PIEZO2: variants seen among roughly 807,000 people sequenced by gnomAD.
PIEZO2 encodes the protein piezo type mechanosensitive ion channel component 2.
Under a neutral mutation model 337.3 loss-of-function variants are expected in PIEZO2, and 172 were observed. That is an observed-to-expected ratio of 0.51 (90% CI 0.45 to 0.58). The LOEUF (loss-of-function observed/expected upper bound fraction) is 0.58, where lower values mean the gene tolerates loss of function less well. Among genes scored for constraint, PIEZO2 ranks in the 20% least tolerant of loss-of-function variants. The pLI, the probability that PIEZO2 is intolerant of heterozygous loss-of-function variation, is 0.00. For synonymous variants in PIEZO2, 1,251 were observed against 1,228.5 expected, an observed-to-expected ratio of 1.02 and a Z score of -0.38; for missense variants, 3,028 against 3,391.3, an observed-to-expected ratio of 0.89 and a Z score of 2.66.
intron 50 of PIEZO2, 107 bp from the exon 51 acceptor site, chr18:10,681,860 T>C (rs1278048553): frequency 7.8e-6 from 8 of 1,023,660 alleles, no homozygotes; most frequent in East Asian, 2.4e-5. Context: ...ATGTAGGCTA[T>C]GTTTATCCCA....
chr18:10,685,826 C>G (rs553043470), intron 49 of PIEZO2, among the ~76,000 whole-genome samples: 1 of 152,310 alleles, frequency 6.6e-6, no homozygotes, highest in South Asian at 2.1e-4. Context: ...TTCCCATGCT[C>G]TCAGCAGAGG....
chr18:10,782,384 T>C (rs1354988015), intron 17 of PIEZO2, among the ~76,000 whole-genome samples: 1 of 94,852 alleles, frequency 1.1e-5, no homozygotes, highest in Non-Finnish European at 1.9e-5. Flanking sequence ...TAATATATTA[T>C]AATTATATAT....
rs2038818707 is a variant in PIEZO2, at chr18:11,083,464, G to C, written c.65-17242C>G. 6.6e-6 allele frequency among the ~76,000 whole-genome samples: 1 copy of C among 152,214 alleles called. No homozygotes were observed. On this transcript the variant is annotated intron_variant, in intron 1 of 55. Coordinates refer to ENST00000674853, the MANE Select transcript of PIEZO2 (RefSeq NM_001378183.1). The surrounding 1 kb of genome is among the most constrained non-coding windows in gnomAD (Gnocchi z 4.4). ...GAAATGCTCTCCTCCAGGGAATGAT[G>C]CTGGCTGTGGCTTGGGGAAATGGAG...
chr18:10,760,686 C>T (rs1203032219), intron 24 of PIEZO2, among the ~76,000 whole-genome samples: 1 of 152,198 alleles, frequency 6.6e-6, no homozygotes, highest in Non-Finnish European at 1.5e-5. Context: ...TCTGGAGATC[C>T]AGAGAGGCCA....
intron 27 of PIEZO2, 142 bp downstream of exon 27, chr18:10,757,827 C>T (rs2143824717): frequency 2.1e-6 from 2 of 952,966 alleles, no homozygotes; most frequent in Admixed American, 3.2e-5. Flanking sequence ...GCTGCTGAAC[C>T]ACATTGTCCA....
chr18:10,836,248 T>C (rs961854874), intron 7 of PIEZO2, among the ~76,000 whole-genome samples: 1 of 152,180 alleles, frequency 6.6e-6, no homozygotes, highest in Non-Finnish European at 1.5e-5. Context: ...TAATGCTGAC[T>C]CTCAGTAGTG....
rs927388981 is a variant in PIEZO2, at chr18:11,070,246, T to C, written c.65-4024A>G. Among the ~76,000 whole-genome samples, 7 of 152,222 alleles carry C rather than the reference T, an allele frequency of 4.6e-5. No individual in the cohort carries two copies. Among genetic ancestry groups the C allele is most frequent in the African/African-American group, 1.4e-4 (6 of 41,454 alleles). Reference sequence around the variant, plus strand: ...TGTAATACAATGGTAAGGATTTATGTATCTAAACATATCTAAATACAGAAA... The same window carrying C: ...TGTAATACAATGGTAAGGATTTATGCATCTAAACATATCTAAATACAGAAA... On this transcript the variant is annotated intron_variant, in intron 1 of 55. Transcript: ENST00000674853. This position sits in a 1 kb window ranked among gnomAD's most constrained non-coding sequence, Gnocchi z 4.3.
At chr18:10,959,295 AT>A (rs1438973397) in intron 3 of PIEZO2, among the ~76,000 whole-genome samples, 2 of 152,194 alleles carry the variant, frequency 1.3e-5, no homozygotes, top group Non-Finnish European at 2.9e-5. Context: ...AGGGCAAGTG[AT>A]TTTATAGAGA....
intron 2 of PIEZO2, among the ~76,000 whole-genome samples, chr18:11,013,535 G>A (rs1032061): frequency 0.13 from 19,337 of 152,206 alleles, 1,583 homozygotes; most frequent in Admixed American, 0.21. Context: ...TAATTTCACC[G>A]TTCTATCAAC....
In PIEZO2 at chr18:10,878,866, C is replaced by T. The variant is rs1457156575; in HGVS notation, c.330-7451G>A. ...ATGATCCCCAAGGAAATGAAGGCCA[C>T]AGGAGAAACAGTGACGTGGCTGCTG... On this transcript the variant is annotated intron_variant, in intron 4 of 55. Coordinates refer to ENST00000674853, the MANE Select transcript of PIEZO2 (RefSeq NM_001378183.1). The surrounding 1 kb of genome is among the most constrained non-coding windows in gnomAD (Gnocchi z 4.3). Among the ~76,000 whole-genome samples, 1 of 151,862 alleles carries T rather than the reference C, an allele frequency of 6.6e-6. No individual in the cohort carries two copies. The highest frequency in any genetic ancestry group is 6.6e-5 in the Admixed American group (1 of 15,254).
At chr18:10,976,522 G>A (rs1043340655) in intron 3 of PIEZO2, among the ~76,000 whole-genome samples, 2 of 152,054 alleles carry the variant, frequency 1.3e-5, no homozygotes, top group African/African-American at 4.8e-5. Context: ...ACCTTTTGCA[G>A]AAATAAACTT....
rs2036984978 is a variant in PIEZO2, at chr18:11,038,055, T to A, written c.160+28072A>T. ...CTGAGTTAAACAACAGTAGGTGAGA[T>A]GTAAGATAAGAAGGAGGAAGTCACA... On this transcript the variant is annotated intron_variant, in intron 2 of 55. Transcript: ENST00000674853. The surrounding 1 kb of genome is among the most constrained non-coding windows in gnomAD (Gnocchi z 4.1). Among the ~76,000 whole-genome samples the A allele has an allele frequency of 6.6e-6, 1 of 152,178 alleles. No homozygotes were observed. The highest frequency in any genetic ancestry group is 1.5e-5 in the Non-Finnish European group (1 of 68,036).
At chr18:11,133,499 CA>C (rs1284527668) in intron 1 of PIEZO2, among the ~76,000 whole-genome samples, 12 of 152,214 alleles carry the variant, frequency 7.9e-5, no homozygotes, top group African/African-American at 2.6e-4. Flanking sequence ...AAGAGATTAA[CA>C]ATTAACATTT....
rs777458154 is a variant in PIEZO2, at chr18:10,748,626, A to T, written c.4269T>A (p.Ala1423=). The T allele has an allele frequency of 1.4e-6, 2 of 1,461,934 alleles. No homozygotes were observed. Among genetic ancestry groups the T allele is most frequent in the South Asian group, 2.7e-5 (2 of 72,802 alleles). The allele number at this position is 1,461,934 out of a possible 1,614,324, so 90.6% of individuals were successfully genotyped here. The change falls in exon 30 of 56, where the codon GCT becomes GCA. Residue 1423 remains alanine (A), a synonymous_variant. Transcript: ENST00000674853. This position sits in a 1 kb window ranked among gnomAD's most constrained non-coding sequence, Gnocchi z 5.1. ...ACTVKGYQMP[A]ANSPCTLPSG... is the part of the protein sequence containing the mutation. ...TGGGAAGTGTACAGGGTGAATTAGC[A>T]GCAGCTATAGTAACAGTAGAAAAAC...
In PIEZO2 at chr18:10,833,258, G is replaced by A. The variant is rs756266557; in HGVS notation, c.917+22095C>T. ...CCAGGGTAACAGGTACCCTGGGTGC[G>A]TCAGTGGCAGCACAGAGATGAAACA... On this transcript the variant is annotated intron_variant, in intron 7 of 55. Transcript: ENST00000674853. This position sits in a 1 kb window ranked among gnomAD's most constrained non-coding sequence, Gnocchi z 4.7. 5.9e-5 allele frequency among the ~76,000 whole-genome samples: 9 copies of A among 152,158 alleles called. No homozygotes were observed. The highest frequency in any genetic ancestry group is 1.0e-4 in the Non-Finnish European group (7 of 68,014).
In PIEZO2 at chr18:10,748,679, T is replaced by C. The variant is rs570871233; in HGVS notation, c.4265-49A>G. The stretch of plus-strand genomic sequence containing the variant: ...ACATTAAAATTAACATCCATTTTCA[T>C]TGTAATTTTATAAAATCTGAGGTAT... On this transcript the variant is annotated intron_variant, in intron 29 of 55. Transcript: ENST00000674853. The surrounding 1 kb of genome is among the most constrained non-coding windows in gnomAD (Gnocchi z 5.1). 2.7e-5 allele frequency: 37 copies of C among 1,390,048 alleles called. No individual in the cohort carries two copies. The African/African-American group carries it at 4.6e-4, about 17-fold the overall frequency. 86.1% of individuals were successfully genotyped at this position (1,390,048 alleles called of 1,614,324 possible).
intron 27 of PIEZO2, 25 bp from the exon 28 acceptor site, chr18:10,752,904 A>C (rs2037700345): frequency 2.0e-6 from 3 of 1,518,692 alleles, no homozygotes; most frequent in Non-Finnish European, 2.6e-6. Context: ...CAGTGACAAA[A>C]AGACAACAAC....
chr18:10,950,011 C>T (rs1489818148), intron 3 of PIEZO2, among the ~76,000 whole-genome samples: 1 of 152,122 alleles, frequency 6.6e-6, no homozygotes, highest in East Asian at 1.9e-4. Context: ...TGTTTTAAAT[C>T]TTATGAAAAC....
At chr18:11,137,116 T>G (rs1361666584) in intron 1 of PIEZO2, among the ~76,000 whole-genome samples, 3 of 152,210 alleles carry the variant, frequency 2.0e-5, no homozygotes, top group Admixed American at 2.0e-4. Context: ...TCCATGATTC[T>G]GTATTAGGAG....
Sources: gnomAD v4.1 joint callset for allele counts (sites outside exome capture counted in the v4.1 genomes callset) on GRCh38, gnomAD v4.1.1 for gene constraint, Gnocchi (gnomAD v3.1) non-coding constraint, MANE v1.5 for transcripts, NCBI Gene and HGNC (gene_info 2026-07-23, HGNC 2026-07-21) for gene names.